MAP1B: variants seen among roughly 807,000 people sequenced by gnomAD.
MAP1B encodes the protein microtubule-associated protein 1B.
MAP1B carries 12 observed loss-of-function variants against 176.1 expected under a neutral mutation model. The observed-to-expected ratio is 0.07, with a 90% CI of 0.04 to 0.11. MAP1B has a LOEUF of 0.11. Among genes scored for constraint, MAP1B ranks in the 10% least tolerant of loss-of-function variants. The probability of loss-of-function intolerance (pLI) is 1.00; values close to 1 mark genes in which losing one functional copy is unlikely to be tolerated. For missense variants in MAP1B, 2,523 were observed against 2,990.5 expected (o/e 0.84, Z 3.65); for synonymous variants, 1,044 against 1,135.0 (o/e 0.92, Z 1.61).
At chr5:72,111,593 T>C (rs987898238) in intron 1 of MAP1B, among the ~76,000 whole-genome samples, 3 of 152,172 alleles carry the variant, frequency 2.0e-5, no homozygotes, top group South Asian at 4.1e-4. Context: ...GAATTAAATG[T>C]TAGAGAGTCT....
intron 2 of MAP1B, among the ~76,000 whole-genome samples, chr5:72,134,466 CAG>C (rs933121740): frequency 7.2e-5 from 11 of 152,140 alleles, no homozygotes; most frequent in African/African-American, 2.4e-4. Flanking sequence ...GCATGTCAAA[CAG>C]GGGATTAGCA....
chr5:72,193,347 T>TA lies in MAP1B; in HGVS notation c.511-519_511-518insA, dbSNP rs200048117. On this transcript the variant is annotated intron_variant, in intron 4 of 6. Transcript: ENST00000296755. ...CTTTAAGGTATCCATCAGGCCTTTT[T>TA]TTTTTTTTTTTTTGCCAAGTCTAGT... is the stretch of plus-strand genomic sequence containing the variant. The TA allele has an allele frequency of 1.0e-3, 350 of 348,220 alleles. 2 individuals are homozygous for TA. Among genetic ancestry groups the TA allele is most frequent in the African/African-American group, 6.5e-3 (297 of 45,896 alleles). The allele number at this position is 348,220 out of a possible 1,614,324, so 21.6% of individuals were successfully genotyped here. A position where few individuals can be genotyped will look rare whatever the true frequency, so the allele number is the denominator to read the frequency against.
intron 2 of MAP1B, among the ~76,000 whole-genome samples, chr5:72,162,395 G>T (rs1746344026): frequency 6.6e-6 from 1 of 151,770 alleles, no homozygotes; most frequent in Non-Finnish European, 1.5e-5. Context: ...ACATGACTGG[G>T]GGGGCATCTT....
At chr5:72,144,796 G>T (rs1227701368) in intron 2 of MAP1B, among the ~76,000 whole-genome samples, 1 of 152,164 alleles carries the variant, frequency 6.6e-6, no homozygotes, top group Non-Finnish European at 1.5e-5. Flanking sequence ...GTGTTGGGGA[G>T]AAAATTAGCT....
At position 72,208,985 on chromosome 5, in the gene MAP1B, C is replaced by T. The variant is rs1002340348; in HGVS notation, c.*3746C>T. 1 of 152,012 alleles carries T rather than the reference C, an allele frequency of 6.6e-6. No homozygotes were observed. Among genetic ancestry groups the T allele is most frequent in the Non-Finnish European group, 1.5e-5 (1 of 68,000 alleles). 9.4% of individuals were successfully genotyped at this position (152,012 alleles called of 1,614,324 possible). On this transcript the variant is annotated 3_prime_UTR_variant, in exon 7 of 7. Coordinates refer to ENST00000296755, the MANE Select transcript of MAP1B (RefSeq NM_005909.5). The stretch of plus-strand genomic sequence containing the variant: ...TTATCTTTTAACCAACTGAACAATA[C>T]ACCAAAAGCAGCCTAGGGATGAGCA...
At position 72,199,607 on chromosome 5, in the gene MAP1B, C is replaced by A. The variant is rs935421789; in HGVS notation, c.6252C>A (p.Leu2084=). Residue 2084 remains leucine (L), a synonymous_variant, in exon 5 of 7, where the codon CTC becomes CTA. Coordinates refer to ENST00000296755, the MANE Select transcript of MAP1B (RefSeq NM_005909.5). This position sits in a 1 kb window ranked among gnomAD's most constrained non-coding sequence, Gnocchi z 4.2. ...CCCGTCAGGATGTCGATTTATGCCT[C>A]GTGTCCTCTTGTGAATACAAGCACC... ...SEARQDVDLC[L]VSSCEYKHPK... 6.2e-7 allele frequency: 1 copy of A among 1,614,040 alleles called. No individual in the cohort carries two copies. The highest frequency in any genetic ancestry group is 8.5e-7 in the Non-Finnish European group (1 of 1,180,044).
At chr5:72,117,597 T>A (rs1016886075) in intron 2 of MAP1B, among the ~76,000 whole-genome samples, 17 of 152,326 alleles carry the variant, frequency 1.1e-4, no homozygotes, top group African/African-American at 4.1e-4. Context: ...TCCCCCAAAC[T>A]GTCACTTTAG....
intron 2 of MAP1B, among the ~76,000 whole-genome samples, chr5:72,156,579 G>A (rs572772143): frequency 2.0e-5 from 3 of 152,322 alleles, no homozygotes; most frequent in Admixed American, 6.5e-5. Context: ...TTTCATGGAC[G>A]TTTGTGATAA....
intron 2 of MAP1B, among the ~76,000 whole-genome samples, chr5:72,121,148 C>A (rs1745521891): frequency 6.6e-6 from 1 of 152,136 alleles, no homozygotes; most frequent in Admixed American, 6.5e-5. Context: ...CCTGTGGGTG[C>A]CCACGCAAGG....
At chr5:72,179,952 T>A in intron 2 of MAP1B, 1 of 984,892 alleles carries the variant, frequency 1.0e-6, no homozygotes, top group Non-Finnish European at 1.2e-6. Flanking sequence ...TTGCAACTGA[T>A]GAAGCCAAAG....
intron 2 of MAP1B, among the ~76,000 whole-genome samples, chr5:72,143,593 A>G (rs1045664777): frequency 6.6e-6 from 1 of 152,104 alleles, no homozygotes; most frequent in Admixed American, 6.5e-5. Context: ...TTTCTAAACT[A>G]CCTTCAGTGT....
rs1160555290 is a variant in MAP1B at position 72,209,010 on chromosome 5, A to G, written c.*3771A>G. The G allele has an allele frequency of 6.6e-6, 1 of 152,208 alleles. No homozygotes were observed. Among genetic ancestry groups the G allele is most frequent in the Non-Finnish European group, 1.5e-5 (1 of 68,040 alleles). 9.4% of individuals were successfully genotyped at this position (152,208 alleles called of 1,614,324 possible). ...CACCAAAAGCAGCCTAGGGATGAGCATTTCTTTGAAAGCAATTAGGTTATT... is the reference window on the plus strand; with the variant it reads ...CACCAAAAGCAGCCTAGGGATGAGCGTTTCTTTGAAAGCAATTAGGTTATT... On this transcript the variant is annotated 3_prime_UTR_variant, in exon 7 of 7. Transcript: ENST00000296755.
chr5:72,119,297 C>T (rs1745485599), intron 2 of MAP1B, among the ~76,000 whole-genome samples: 1 of 152,202 alleles, frequency 6.6e-6, no homozygotes, highest in Non-Finnish European at 1.5e-5. Flanking sequence ...CTAAAGATCA[C>T]TCAACAAACC....
At chr5:72,163,120 T>C (rs546817460) in intron 2 of MAP1B, among the ~76,000 whole-genome samples, 25 of 149,482 alleles carry the variant, frequency 1.7e-4, no homozygotes, top group African/African-American at 6.0e-4. Flanking sequence ...CCCAGCTACT[T>C]GGGAGACTGA....
chr5:72,154,715 C>T (rs1193374374), intron 2 of MAP1B, among the ~76,000 whole-genome samples: 1 of 152,174 alleles, frequency 6.6e-6, no homozygotes, highest in Non-Finnish European at 1.5e-5. Flanking sequence ...GAAGCTGTGT[C>T]TTGTTTGCTG....
At chr5:72,136,603 A>G (rs867305215) in intron 2 of MAP1B, among the ~76,000 whole-genome samples, 29 of 152,144 alleles carry the variant, frequency 1.9e-4, no homozygotes, top group Admixed American at 2.6e-4. Flanking sequence ...GTTGTTTTTC[A>G]TAATCATTTT....
rs776218550 is a variant in MAP1B, at chr5:72,195,902, T to C, written c.2547T>C (p.Asp849=). The C allele has an allele frequency of 1.9e-6, 3 of 1,614,202 alleles. No individual in the cohort carries two copies. Among genetic ancestry groups the C allele is most frequent in the Non-Finnish European group, 2.5e-6 (3 of 1,180,038 alleles). ...DFEELKAEEV[D]VTKDIKPQLE... is the part of the protein sequence containing the mutation. ...AAGAGTTAAAGGCTGAAGAGGTCGA[T>C]GTAACAAAGGACATCAAGCCTCAGC... The change falls in exon 5 of 7, where the codon GAT becomes GAC. Residue 849 remains aspartate, a synonymous_variant. Transcript: ENST00000296755.
In MAP1B at chr5:72,195,276, G is replaced by A. The variant is rs1434012844; in HGVS notation, c.1921G>A (p.Glu641Lys). ...TGCCAAGGAGAAGACGGTGAAAAAGGAAACAAAGGTAAAGCCTGAAGACAA... is the reference window on the plus strand; with the variant it reads ...TGCCAAGGAGAAGACGGTGAAAAAGAAAACAAAGGTAAAGCCTGAAGACAA... ...KAAKEKTVKKETKVKPEDKKE... is the reference protein window; with the variant it reads ...KAAKEKTVKKKTKVKPEDKKE... The change falls in exon 5 of 7, where the codon GAA becomes AAA. Residue 641 changes from glutamate (E) to lysine (K), a missense_variant. Coordinates refer to ENST00000296755, the MANE Select transcript of MAP1B (RefSeq NM_005909.5). The A allele has an allele frequency of 1.2e-6, 2 of 1,613,342 alleles. No homozygotes were observed. The highest frequency in any genetic ancestry group is 2.7e-5 in the African/African-American group (2 of 74,738).
intron 2 of MAP1B, among the ~76,000 whole-genome samples, chr5:72,150,065 A>G (rs1746114836): frequency 6.6e-6 from 1 of 152,168 alleles, no homozygotes; most frequent in African/African-American, 2.4e-5. Flanking sequence ...TCTTTTACAT[A>G]CCTAGGTTTT....
Sources: allele counts gnomAD v4.1 joint callset (sites outside exome capture counted in the v4.1 genomes callset), GRCh38; gene constraint gnomAD v4.1.1; non-coding constraint Gnocchi (gnomAD v3.1); transcripts MANE v1.5; gene names NCBI Gene and HGNC (gene_info 2026-07-23, HGNC 2026-07-21).